The following NTM variants were observed in gnomAD, a reference collection of about 807,000 sequenced individuals.
NTM encodes the protein IgLON family member 2.
In NTM, 13 loss-of-function variants were observed where a neutral mutation model predicts 42.1. The observed-to-expected ratio is 0.31, with a 90% CI of 0.20 to 0.49. The LOEUF (loss-of-function observed/expected upper bound fraction) is 0.49, where lower values mean the gene tolerates loss of function less well. Ranked by LOEUF, NTM falls within the 20% of genes least tolerant of loss-of-function variation. The probability of loss-of-function intolerance (pLI) is 0.99; values close to 1 mark genes in which losing one functional copy is unlikely to be tolerated. For synonymous variants in NTM, 187 were observed against 179.2 expected, an observed-to-expected ratio of 1.04 and a Z score of -0.35; for missense variants, 373 against 452.8, an observed-to-expected ratio of 0.82 and a Z score of 1.60.
At chr11:131,430,523 C>T (rs532353504) in intron 1 of NTM, among the ~76,000 whole-genome samples, 1 of 152,162 alleles carries the variant, frequency 6.6e-6, no homozygotes, top group Non-Finnish European at 1.5e-5. Flanking sequence ...TTCTCCTGGG[C>T]CACACTGTAA....
rs754812398 is a variant in NTM, at chr11:132,082,760, C to CT, written c.168-63521dup. Among the ~76,000 whole-genome samples, 4 of 152,302 alleles carry CT rather than the reference C, an allele frequency of 2.6e-5. No homozygotes were observed. In the South Asian group the frequency reaches 8.3e-4, roughly 32 times the overall value. On this transcript the variant is annotated intron_variant, in intron 2 of 8. Transcript: ENST00000683400. The stretch of plus-strand genomic sequence containing the variant: ...TTTGGGGAAAATGGCAGTCAGAGGC[C>CT]TAAGGGTCCCTGGTAAAATGGGGCC...
At chr11:132,210,381 G>A (rs1566479681) in intron 3 of NTM, among the ~76,000 whole-genome samples, 2 of 152,192 alleles carry the variant, frequency 1.3e-5, no homozygotes, top group Admixed American at 6.5e-5. Flanking sequence ...CACAGGTTGG[G>A]AAGGTGGTTC....
intron 1 of NTM, among the ~76,000 whole-genome samples, chr11:131,881,307 G>T (rs766536421): frequency 6.6e-6 from 1 of 152,078 alleles, no homozygotes; most frequent in African/African-American, 2.4e-5. Context: ...CCTCTCAACG[G>T]TTTGAGGGAG....
At chr11:131,541,023 C>T (rs1016928787) in intron 1 of NTM, among the ~76,000 whole-genome samples, 1 of 152,130 alleles carries the variant, frequency 6.6e-6, no homozygotes, top group Non-Finnish European at 1.5e-5. Flanking sequence ...CCTCTAATTG[C>T]ACCAGATTAG....
intron 1 of NTM, among the ~76,000 whole-genome samples, chr11:131,755,458 C>CA (rs1420145501): frequency 6.6e-6 from 1 of 151,890 alleles, no homozygotes; most frequent in Non-Finnish European, 1.5e-5. Flanking sequence ...CATGCAGGGC[C>CA]AAAAAATACT....
chr11:131,860,834 C>T (rs536136259), intron 1 of NTM, among the ~76,000 whole-genome samples: 3 of 152,250 alleles, frequency 2.0e-5, no homozygotes, highest in African/African-American at 4.8e-5. Context: ...CATGGACACA[C>T]GTTTATCTCC....
At chr11:132,044,647 G>A (rs1216496310) in intron 2 of NTM, among the ~76,000 whole-genome samples, 9 of 152,076 alleles carry the variant, frequency 5.9e-5, no homozygotes, top group Admixed American at 5.9e-4. Flanking sequence ...TCCACATTGG[G>A]ACCTTCGCCA....
chr11:131,821,943 A>T lies in NTM; in HGVS notation c.83-89621A>T, dbSNP rs911990628. On this transcript the variant is annotated intron_variant, in intron 1 of 8. Transcript: ENST00000683400. The stretch of plus-strand genomic sequence containing the variant: ...CAAAAGACTCAAATGTATATATGAC[A>T]CTTCTGCCTTGATTCTGTACCTCTC... Among the ~76,000 whole-genome samples, 16 of 152,160 alleles carry T rather than the reference A, an allele frequency of 1.1e-4. 1 individual carries two copies. The highest frequency in any genetic ancestry group is 4.6e-4 in the Admixed American group (7 of 15,284).
chr11:132,158,022 T>C (rs918411652), intron 3 of NTM, among the ~76,000 whole-genome samples: 4 of 152,208 alleles, frequency 2.6e-5, no homozygotes, highest in Admixed American at 6.5e-5. Flanking sequence ...TGGCCTGCTT[T>C]TTTTGTTCTT....
At chr11:131,695,038 G>A (rs948725949) in intron 1 of NTM, among the ~76,000 whole-genome samples, 2 of 152,162 alleles carry the variant, frequency 1.3e-5, no homozygotes, top group East Asian at 1.9e-4. Context: ...GAGGAGCGCC[G>A]CCGCCGCCGG....
chr11:131,729,916 GT>G (rs111526208), intron 1 of NTM, among the ~76,000 whole-genome samples: 33,777 of 151,486 alleles, frequency 0.22, 4,354 homozygotes, highest in African/African-American at 0.35. Context: ...TACATACAGA[GT>G]TTTTTTTTGG....
At chr11:131,873,367 G>C (rs1011796373) in intron 1 of NTM, among the ~76,000 whole-genome samples, 3 of 151,132 alleles carry the variant, frequency 2.0e-5, no homozygotes, top group African/African-American at 4.9e-5. Context: ...GTTGGGGGAT[G>C]GGGGGCAAGG....
At chr11:132,149,540 C>T (rs1416112128) in intron 3 of NTM, among the ~76,000 whole-genome samples, 1 of 152,214 alleles carries the variant, frequency 6.6e-6, no homozygotes, top group Non-Finnish European at 1.5e-5. Flanking sequence ...GTAGTGGCAT[C>T]TCACAGCATT....
At chr11:131,557,771 G>T (rs941148592) in intron 1 of NTM, among the ~76,000 whole-genome samples, 2 of 152,012 alleles carry the variant, frequency 1.3e-5, no homozygotes, top group African/African-American at 4.8e-5. Context: ...TGGGGTGGGA[G>T]TGGAGGGTGA....
At chr11:132,103,358 GGC>G (rs2136598712) in intron 2 of NTM, among the ~76,000 whole-genome samples, 1 of 152,296 alleles carries the variant, frequency 6.6e-6, no homozygotes, top group Non-Finnish European at 1.5e-5. Flanking sequence ...CTATTGCGCT[GGC>G]ATTTCTAATC....
chr11:132,237,599 T>C (rs2089276428), intron 4 of NTM, among the ~76,000 whole-genome samples: 1 of 152,172 alleles, frequency 6.6e-6, no homozygotes, highest in Non-Finnish European at 1.5e-5. Context: ...AGTCTCAGCA[T>C]CTCAGGCTGA....
At chr11:131,505,126 A>C (rs893701441) in intron 1 of NTM, among the ~76,000 whole-genome samples, 6 of 151,970 alleles carry the variant, frequency 3.9e-5, no homozygotes, top group African/African-American at 1.4e-4. Context: ...CATTCTCCTC[A>C]TCTAAGAAAT....
At chr11:131,940,616 G>A (rs927452564) in intron 2 of NTM, among the ~76,000 whole-genome samples, 1 of 152,196 alleles carries the variant, frequency 6.6e-6, no homozygotes, top group African/African-American at 2.4e-5. Context: ...GTCCCAAAGC[G>A]TTCAGTAATG....
chr11:131,661,092 G>C (rs968256242), intron 1 of NTM: 1 of 1,269,968 alleles, frequency 7.9e-7, no homozygotes, highest in African/African-American at 1.5e-5. Flanking sequence ...AGACTGGTGG[G>C]GGGGTCTTCC....
Sources: gnomAD v4.1 joint callset for allele counts (sites outside exome capture counted in the v4.1 genomes callset) on GRCh38, gnomAD v4.1.1 for gene constraint, MANE v1.5 for transcripts, NCBI Gene and HGNC (gene_info 2026-07-23, HGNC 2026-07-21) for gene names.